PXDNL: variants seen among roughly 807,000 people sequenced by gnomAD.
PXDNL encodes the protein probable oxidoreductase PXDNL.
A neutral mutation model predicts 150.8 loss-of-function variants in PXDNL; 145 were observed. The ratio of observed to expected loss-of-function variants is 0.96; its 90% CI spans 0.84 to 1.10. The LOEUF (loss-of-function observed/expected upper bound fraction) is 1.10, where lower values mean the gene tolerates loss of function less well. Among genes scored for constraint, PXDNL ranks in the 50% least tolerant of loss-of-function variants. The pLI is 0.00. For synonymous variants in PXDNL, 757 were observed against 725.7 expected, an observed-to-expected ratio of 1.04 and a Z score of -0.69; for missense variants, 2,087 against 1,873.9, an observed-to-expected ratio of 1.11 and a Z score of -2.10.
chr8:51,623,691 A>T (rs1814305052), intron 2 of PXDNL, among the ~76,000 whole-genome samples: 1 of 152,186 alleles, frequency 6.6e-6, no homozygotes, highest in African/African-American at 2.4e-5. Context: ...AGCGCAGCCC[A>T]GCTGTTGTGT....
intron 4 of PXDNL, among the ~76,000 whole-genome samples, chr8:51,516,004 C>T (rs947826017): frequency 4.6e-5 from 7 of 151,934 alleles, no homozygotes; most frequent in South Asian, 2.1e-4. Flanking sequence ...ATTTCAATTT[C>T]GAGTCATAAC....
intron 8 of PXDNL, among the ~76,000 whole-genome samples, chr8:51,471,545 C>T (rs1810334170): frequency 6.6e-6 from 1 of 152,186 alleles, no homozygotes; most frequent in South Asian, 2.1e-4. Flanking sequence ...TCTGAAACAA[C>T]TTAGATGTGG....
chr8:51,494,559 G>A (rs1339774581), intron 5 of PXDNL, among the ~76,000 whole-genome samples: 1 of 152,056 alleles, frequency 6.6e-6, no homozygotes, highest in Non-Finnish European at 1.5e-5. Context: ...GACACACATA[G>A]GCTCAAAATA....
At chr8:51,746,357 G>A (rs1377109740) in intron 1 of PXDNL, among the ~76,000 whole-genome samples, 2 of 152,166 alleles carry the variant, frequency 1.3e-5, no homozygotes, top group African/African-American at 2.4e-5. Context: ...CACCAACCAC[G>A]GAACTCCTTG....
In PXDNL at chr8:51,458,867, C is replaced by T. The variant is rs186961601; in HGVS notation, c.813-1200G>A. ...CATATTTGACTTTTATGTTTTAGAG[C>T]GGAATCACAGAGTGAAGGCAGGAAA... On this transcript the variant is annotated intron_variant, in intron 8 of 22. Coordinates refer to ENST00000356297, the MANE Select transcript of PXDNL (RefSeq NM_144651.5). Among the ~76,000 whole-genome samples, 84 of 152,250 alleles carry T rather than the reference C, an allele frequency of 5.5e-4. No homozygotes were observed. In the Middle Eastern group the frequency reaches 0.01, roughly 18 times the overall value.
chr8:51,774,772 C>T (rs1016170915), intron 1 of PXDNL, among the ~76,000 whole-genome samples: 4 of 152,114 alleles, frequency 2.6e-5, no homozygotes, highest in African/African-American at 9.7e-5. Context: ...GAGCTGAGAT[C>T]ACGCCACTGC....
At chr8:51,625,264 G>A (rs1814340764) in intron 2 of PXDNL, among the ~76,000 whole-genome samples, 2 of 152,152 alleles carry the variant, frequency 1.3e-5, no homozygotes, top group South Asian at 4.1e-4. Flanking sequence ...AAAGACAAAA[G>A]CAAGCTAAGA....
At position 51,673,756 on chromosome 8, in the gene PXDNL, C is replaced by T. The variant is rs1360072728; in HGVS notation, c.165-18996G>A. ...TTAGAAACCCAAGAATGCAAAAGCC[C>T]TGCCTCTCTACATAGTTTAGTTAAA... On this transcript the variant is annotated intron_variant, in intron 1 of 22. Transcript: ENST00000356297. Among the ~76,000 whole-genome samples, 4 of 152,158 alleles carry T rather than the reference C, an allele frequency of 2.6e-5. No individual in the cohort carries two copies. The East Asian group carries it at 5.8e-4, about 22-fold the overall frequency.
chr8:51,708,246 T>A (rs1484408753), intron 1 of PXDNL, among the ~76,000 whole-genome samples: 1 of 152,188 alleles, frequency 6.6e-6, no homozygotes, highest in Admixed American at 6.5e-5. Flanking sequence ...TCACCTGGAA[T>A]GACAGAGAAG....
chr8:51,650,008 C>T (rs972759764), intron 2 of PXDNL, among the ~76,000 whole-genome samples: 5 of 147,796 alleles, frequency 3.4e-5, no homozygotes, highest in African/African-American at 1.0e-4. Context: ...GAGGCTGAGG[C>T]AGGAGAATCA....
At chr8:51,453,102 G>A (rs574056113) in intron 10 of PXDNL, among the ~76,000 whole-genome samples, 2 of 152,296 alleles carry the variant, frequency 1.3e-5, no homozygotes, top group Admixed American at 6.5e-5. Flanking sequence ...CTGTTGTTAC[G>A]CAGTCTGGCC....
intron 3 of PXDNL, among the ~76,000 whole-genome samples, chr8:51,587,440 G>C (rs1813348498): frequency 1.3e-5 from 2 of 151,970 alleles, no homozygotes; most frequent in African/African-American, 4.8e-5. Context: ...ATTTATTTTT[G>C]CCCAAGGGGA....
At chr8:51,529,267 C>T (rs2130421908) in intron 4 of PXDNL, among the ~76,000 whole-genome samples, 1 of 152,304 alleles carries the variant, frequency 6.6e-6, no homozygotes, top group South Asian at 2.1e-4. Context: ...TATCCCTTCT[C>T]CCACTCACTG....
intron 1 of PXDNL, among the ~76,000 whole-genome samples, chr8:51,730,611 A>G (rs1816899736): frequency 6.6e-6 from 1 of 152,242 alleles, no homozygotes; most frequent in African/African-American, 2.4e-5. Flanking sequence ...AGAAAAGTAA[A>G]CAATCAATAA....
chr8:51,476,393 C>T (rs1048945903), intron 6 of PXDNL, among the ~76,000 whole-genome samples: 20 of 152,172 alleles, frequency 1.3e-4, no homozygotes, highest in Non-Finnish European at 2.5e-4. Flanking sequence ...GCCAAGCTTT[C>T]CTTTTTTATA....
intron 1 of PXDNL, among the ~76,000 whole-genome samples, chr8:51,774,744 G>A (rs1189574684): frequency 6.6e-6 from 1 of 152,136 alleles, no homozygotes; most frequent in Non-Finnish European, 1.5e-5. Flanking sequence ...TGTGAACCCA[G>A]GAGGCAGAGC....
chr8:51,700,270 C>T (rs1324202516), intron 1 of PXDNL, among the ~76,000 whole-genome samples: 1 of 151,744 alleles, frequency 6.6e-6, no homozygotes, highest in African/African-American at 2.4e-5. Flanking sequence ...CACACACACA[C>T]ACACATATAT....
chr8:51,413,404 G>C (rs1426908514), intron 14 of PXDNL, 146 bp from the exon 15 acceptor site: 3 of 590,726 alleles, frequency 5.1e-6, no homozygotes, highest in Non-Finnish European at 9.0e-6. Flanking sequence ...ATATCTACAT[G>C]ATAATGCCCA....
intron 8 of PXDNL, among the ~76,000 whole-genome samples, chr8:51,459,396 A>C (rs1329360836): frequency 2.0e-5 from 3 of 152,228 alleles, no homozygotes; most frequent in Non-Finnish European, 4.4e-5. Flanking sequence ...AAGGTGATTT[A>C]AGTTCCTGGA....
Sources: allele counts gnomAD v4.1 joint callset (sites outside exome capture counted in the v4.1 genomes callset), GRCh38; gene constraint gnomAD v4.1.1; transcripts MANE v1.5; gene names NCBI Gene and HGNC (gene_info 2026-07-23, HGNC 2026-07-21).